The following FRMD6 variants were observed in gnomAD, a reference collection of about 807,000 sequenced individuals.
The protein encoded by FRMD6 is FERM domain-containing protein 6.
FRMD6 carries 37 observed loss-of-function variants against 73.2 expected under a neutral mutation model. The ratio of observed to expected loss-of-function variants is 0.51; its 90% CI spans 0.39 to 0.66. FRMD6 has a LOEUF of 0.66. FRMD6 is among the 30% of genes least tolerant of loss of function. The pLI is 0.00. For missense variants in FRMD6, 714 were observed against 780.5 expected, an observed-to-expected ratio of 0.91 and a Z score of 1.02; for synonymous variants, 273 against 282.2, an observed-to-expected ratio of 0.97 and a Z score of 0.33.
Position 51,727,920 on chromosome 14 carries a change from G to A in FRMD6, c.1760G>A (p.Cys587Tyr), listed in dbSNP as rs755680783. 1.9e-6 allele frequency: 3 copies of A among 1,614,066 alleles called. No homozygotes were observed. The African/African-American group carries it at 4.0e-5, about 22-fold the overall frequency. Residue 587 changes from cysteine (C) to tyrosine (Y), a missense_variant, in exon 14 of 14, where the codon TGC (cysteine) becomes TAC (tyrosine). Physicochemically the swap from Cys to Tyr is radical, Grantham distance 194. Coordinates refer to ENST00000344768, the MANE Select transcript of FRMD6 (RefSeq NM_001267046.2). ...LDEEGLYCNS[C>Y]LAQQCINIQD... The stretch of plus-strand genomic sequence containing the variant: ...GAGGAAGGCCTCTATTGCAACAGTT[G>A]CTTGGCCCAGCAGTGCATCAACATC...
intron 1 of FRMD6, among the ~76,000 whole-genome samples, chr14:51,661,129 T>G (rs1893193717): frequency 6.6e-6 from 1 of 152,176 alleles, no homozygotes; most frequent in Non-Finnish European, 1.5e-5. Flanking sequence ...ATAGAATCAC[T>G]GGTTGCTGTA....
the FRMD6 span, among the ~76,000 whole-genome samples, chr14:51,434,342 T>C: frequency 1.3e-5 from 2 of 152,176 alleles, no homozygotes; most frequent in African/African-American, 4.8e-5. Flanking sequence ...GGGTTCCTTG[T>C]AGAATTGGTT....
intron 2 of FRMD6, among the ~76,000 whole-genome samples, chr14:51,592,545 A>G (rs1002615784): frequency 2.0e-4 from 31 of 152,358 alleles, no homozygotes; most frequent in African/African-American, 7.0e-4. Flanking sequence ...CAAGGAACAC[A>G]TTAGATGACA....
intron 1 of FRMD6, among the ~76,000 whole-genome samples, chr14:51,539,327 C>T (rs960226742): frequency 2.0e-5 from 3 of 152,090 alleles, no homozygotes. Flanking sequence ...TACTGTGTTT[C>T]TTCTCAACAT....
chr14:51,693,397 A>T (rs1333032005), intron 2 of FRMD6, among the ~76,000 whole-genome samples: 1 of 152,330 alleles, frequency 6.6e-6, no homozygotes, highest in East Asian at 1.9e-4. Context: ...GACTATGATC[A>T]TGGACTGTGA....
intron 1 of FRMD6, among the ~76,000 whole-genome samples, chr14:51,655,046 TAAAAA>T (rs111661238): frequency 7.6e-6 from 1 of 131,802 alleles, no homozygotes; most frequent in African/African-American, 2.8e-5. Flanking sequence ...TCTTTTAAAG[TAAAAA>T]AAAAAAAAAA....
At chr14:51,666,048 G>A (rs1893563965) in intron 1 of FRMD6, among the ~76,000 whole-genome samples, 1 of 152,212 alleles carries the variant, frequency 6.6e-6, no homozygotes, top group African/African-American at 2.4e-5. Context: ...AGCTTCCAGT[G>A]GGTGGTAATC....
At chr14:51,618,662 C>G (rs551090933) in intron 2 of FRMD6, among the ~76,000 whole-genome samples, 1 of 152,222 alleles carries the variant, frequency 6.6e-6, no homozygotes, top group Admixed American at 6.5e-5. Flanking sequence ...GAATGACTCC[C>G]AGTTTTCCAG....
chr14:51,602,809 A>G (rs1364208557), intron 2 of FRMD6, among the ~76,000 whole-genome samples: 1 of 152,270 alleles, frequency 6.6e-6, no homozygotes, highest in South Asian at 2.1e-4. Flanking sequence ...ATATTAGAAT[A>G]TACAGAGATA....
At chr14:51,645,526 C>T (rs1026559730) in intron 2 of FRMD6, among the ~76,000 whole-genome samples, 1 of 152,140 alleles carries the variant, frequency 6.6e-6, no homozygotes, top group Admixed American at 6.5e-5. Context: ...ACCTCCCGGG[C>T]TCAAGTGAAC....
At chr14:51,523,913 G>A (rs1023270985) in intron 1 of FRMD6, among the ~76,000 whole-genome samples, 1 of 152,156 alleles carries the variant, frequency 6.6e-6, no homozygotes, top group Non-Finnish European at 1.5e-5. Flanking sequence ...ATGGTGGAAA[G>A]CATATGGTTA....
the FRMD6 span, among the ~76,000 whole-genome samples, chr14:51,481,360 A>T: frequency 3.3e-5 from 5 of 152,234 alleles, no homozygotes; most frequent in Non-Finnish European, 1.5e-5. Context: ...ACAAAAGAAG[A>T]TGAGAGCCAA....
At chr14:51,502,805 C>G (rs535287014) in intron 1 of FRMD6, among the ~76,000 whole-genome samples, 58 of 152,292 alleles carry the variant, frequency 3.8e-4, no homozygotes, top group African/African-American at 1.3e-3. Flanking sequence ...GCCATATTCA[C>G]AATATTGATT....
At chr14:51,560,502 G>C (rs1596601974) in intron 1 of FRMD6, among the ~76,000 whole-genome samples, 1 of 152,054 alleles carries the variant, frequency 6.6e-6, no homozygotes, top group South Asian at 2.1e-4. Flanking sequence ...TCTGTTTTTT[G>C]AGACCAAGTT....
chr14:51,550,278 G>T (rs1232803997), intron 1 of FRMD6, among the ~76,000 whole-genome samples: 1 of 151,904 alleles, frequency 6.6e-6, no homozygotes, highest in South Asian at 2.1e-4. Context: ...TGGTTCTGTT[G>T]TCCAGGCTGG....
chr14:51,596,147 T>C (rs1234105110), intron 2 of FRMD6, among the ~76,000 whole-genome samples: 3 of 152,172 alleles, frequency 2.0e-5, no homozygotes. Context: ...TGACCTATTA[T>C]TTTTGTGTCT....
intron 1 of FRMD6, among the ~76,000 whole-genome samples, chr14:51,513,163 C>A (rs1386594944): frequency 2.0e-5 from 3 of 152,306 alleles, no homozygotes; most frequent in South Asian, 4.1e-4. Flanking sequence ...GCCTTCTGAA[C>A]CTGGGCCTAG....
chr14:51,413,300 C>A, the FRMD6 span, among the ~76,000 whole-genome samples: 1 of 152,164 alleles, frequency 6.6e-6, no homozygotes, highest in Non-Finnish European at 1.5e-5. Flanking sequence ...CTAATGCTAT[C>A]CCTCCCCCTG....
intron 1 of FRMD6, among the ~76,000 whole-genome samples, chr14:51,560,583 C>A (rs145801310): frequency 2.6e-5 from 4 of 152,182 alleles, no homozygotes; most frequent in African/African-American, 9.7e-5. Flanking sequence ...CTCCTGGGTT[C>A]GAGTGATTCT....
Sources: gnomAD v4.1 joint callset for allele counts (sites outside exome capture counted in the v4.1 genomes callset) on GRCh38, gnomAD v4.1.1 for gene constraint, MANE v1.5 for transcripts, NCBI Gene and HGNC (gene_info 2026-07-23, HGNC 2026-07-21) for gene names.